Variants in CCSER1 observed in about 807,000 individuals in gnomAD.
CCSER1 encodes the protein coiled-coil serine rich protein 1, also known as serine-rich coiled-coil domain-containing protein 1.
A neutral mutation model predicts 82.0 loss-of-function variants in CCSER1; 41 were observed. The ratio of observed to expected loss-of-function variants is 0.50; its 90% CI spans 0.39 to 0.65. CCSER1 has a LOEUF of 0.65. Ranked by LOEUF, CCSER1 falls within the 30% of genes least tolerant of loss-of-function variation. The pLI, the probability that CCSER1 is intolerant of heterozygous loss-of-function variation, is 0.00. For missense variants in CCSER1, 1,119 were observed against 1,064.2 expected (o/e 1.05, Z -0.72); for synonymous variants, 414 against 383.9 (o/e 1.08, Z -0.92).
intron 8 of CCSER1, among the ~76,000 whole-genome samples, chr4:90,823,454 T>C (rs1561200274): frequency 1.3e-5 from 2 of 152,252 alleles, no homozygotes; most frequent in African/African-American, 2.4e-5. Flanking sequence ...GTAAACTGTT[T>C]GTGTTTCTAA....
At chr4:90,959,857 C>T (rs1188360461) in intron 9 of CCSER1, among the ~76,000 whole-genome samples, 2 of 151,550 alleles carry the variant, frequency 1.3e-5, no homozygotes, top group Non-Finnish European at 2.9e-5. Flanking sequence ...GAACTCTTGA[C>T]TCTGAGTCTG....
intron 10 of CCSER1, among the ~76,000 whole-genome samples, chr4:91,498,735 T>C (rs1759059766): frequency 6.6e-6 from 1 of 151,914 alleles, no homozygotes; most frequent in Admixed American, 6.6e-5. Flanking sequence ...ATTCTTTTTC[T>C]TATCATGTTT....
At chr4:91,084,097 A>AT (rs551154570) in intron 9 of CCSER1, among the ~76,000 whole-genome samples, 20 of 151,730 alleles carry the variant, frequency 1.3e-4, no homozygotes, top group Admixed American at 3.3e-4. Flanking sequence ...CACCCAGCTA[A>AT]TTTTTTTGTA....
chr4:91,348,936 T>C (rs1241355367), intron 10 of CCSER1, among the ~76,000 whole-genome samples: 3 of 152,000 alleles, frequency 2.0e-5, no homozygotes, highest in African/African-American at 7.3e-5. Flanking sequence ...TGAGACGGAG[T>C]CTCACTCTGC....
intron 10 of CCSER1, among the ~76,000 whole-genome samples, chr4:91,493,472 T>G (rs1758659293): frequency 6.6e-6 from 1 of 151,842 alleles, no homozygotes; most frequent in Admixed American, 6.6e-5. Context: ...AAGTATTCTT[T>G]TAAATGAAAT....
chr4:91,569,904 G>C (rs1164872057), intron 10 of CCSER1, among the ~76,000 whole-genome samples: 2 of 152,072 alleles, frequency 1.3e-5, no homozygotes, highest in Admixed American at 6.6e-5. Context: ...AAGTCTCATG[G>C]GAGACAAGGA....
chr4:90,184,994 C>T (rs1375923794), intron 1 of CCSER1, among the ~76,000 whole-genome samples: 1 of 152,012 alleles, frequency 6.6e-6, no homozygotes, highest in Non-Finnish European at 1.5e-5. Flanking sequence ...ATTTGGATTA[C>T]CTTGACCTAG....
intron 10 of CCSER1, among the ~76,000 whole-genome samples, chr4:91,549,468 G>A (rs868591581): frequency 1.3e-5 from 2 of 152,036 alleles, no homozygotes; most frequent in Non-Finnish European, 2.9e-5. Flanking sequence ...ATAAACTGTG[G>A]AAAACAGGTC....
chr4:90,641,858 T>G, intron 6 of CCSER1: 1 of 234,544 alleles, frequency 4.3e-6, no homozygotes, highest in Non-Finnish European at 9.5e-6. Context: ...ACTGGTGTGG[T>G]AATCTATTTG....
chr4:91,488,717 C>T (rs1048679109), intron 10 of CCSER1, among the ~76,000 whole-genome samples: 1 of 152,206 alleles, frequency 6.6e-6, no homozygotes, highest in African/African-American at 2.4e-5. Flanking sequence ...CTCAGCCATG[C>T]TTCCTATACA....
At chr4:90,633,960 A>G (rs1724942808) in intron 6 of CCSER1, among the ~76,000 whole-genome samples, 1 of 151,802 alleles carries the variant, frequency 6.6e-6, no homozygotes, top group Non-Finnish European at 1.5e-5. Context: ...TAGAAATTCT[A>G]TTGTTGTCAC....
rs189351522 is a variant in CCSER1, at chr4:90,557,722, C to T, written c.1725-70303C>T. ...TTATTTCCCTTCTTGGAAGGACAGT[C>T]TAGCAAACTCTGAAGGTGTTTCTCA... On this transcript the variant is annotated intron_variant, in intron 5 of 10. Transcript: ENST00000509176. 2.6e-5 allele frequency among the ~76,000 whole-genome samples: 4 copies of T among 152,234 alleles called. No homozygotes were observed. In the East Asian group the frequency reaches 5.8e-4, roughly 22 times the overall value.
At chr4:90,458,866 C>T (rs535667826) in intron 4 of CCSER1, among the ~76,000 whole-genome samples, 2 of 152,292 alleles carry the variant, frequency 1.3e-5, no homozygotes, top group East Asian at 1.9e-4. Flanking sequence ...TTGATGGAAG[C>T]TTGAAAACCA....
chr4:91,231,030 A>T (rs1004157498), intron 10 of CCSER1, among the ~76,000 whole-genome samples: 1 of 151,912 alleles, frequency 6.6e-6, no homozygotes. Flanking sequence ...AAGGTGTTTT[A>T]GCCTTTTTGG....
At chr4:90,592,452 T>G (rs965253038) in intron 5 of CCSER1, among the ~76,000 whole-genome samples, 2 of 152,204 alleles carry the variant, frequency 1.3e-5, no homozygotes, top group East Asian at 3.9e-4. Flanking sequence ...TAGCTATATG[T>G]TCATGTGTGA....
intron 9 of CCSER1, among the ~76,000 whole-genome samples, chr4:91,012,461 A>G (rs1182934958): frequency 1.0e-5 from 1 of 97,122 alleles, no homozygotes; most frequent in African/African-American, 2.8e-5. Flanking sequence ...TTGCAAGAGG[A>G]AGTATGCAAT....
rs912660734 is a variant in CCSER1, at chr4:90,172,406, T to A, written c.-42+44575T>A. Among the ~76,000 whole-genome samples, 4 of 151,886 alleles carry A rather than the reference T, an allele frequency of 2.6e-5. No individual in the cohort carries two copies. In the Admixed American group the frequency reaches 2.6e-4, roughly 10 times the overall value. ...GTGGAAGAAAATAAATTTTGTCAGT[T>A]TACCGTAGAAAGATTCTTTTAGTAA... On this transcript the variant is annotated intron_variant, in intron 1 of 10. Transcript: ENST00000509176.
chr4:90,666,688 G>C (rs1448289200), intron 6 of CCSER1, among the ~76,000 whole-genome samples: 1 of 152,124 alleles, frequency 6.6e-6, no homozygotes, highest in Admixed American at 6.5e-5. Context: ...GAACTCAGTG[G>C]AATCCTGGCA....
chr4:90,318,719 TC>T (rs1736595968), intron 3 of CCSER1, among the ~76,000 whole-genome samples: 1 of 152,254 alleles, frequency 6.6e-6, no homozygotes, highest in Admixed American at 6.5e-5. Flanking sequence ...CATTTACTTT[TC>T]TTCTGGGGCC....
Sources: allele counts gnomAD v4.1 joint callset (sites outside exome capture counted in the v4.1 genomes callset), GRCh38; gene constraint gnomAD v4.1.1; transcripts MANE v1.5; gene names NCBI Gene and HGNC (gene_info 2026-07-23, HGNC 2026-07-21).